Variants in PIAS4 observed in about 807,000 individuals in gnomAD.
The protein encoded by PIAS4 is E3 SUMO-protein ligase PIAS4.
In PIAS4, 7 loss-of-function variants were observed where a neutral mutation model predicts 58.0. The observed-to-expected ratio is 0.12, with a 90% CI of 0.07 to 0.23. The LOEUF (loss-of-function observed/expected upper bound fraction) is 0.23. Among genes scored for constraint, PIAS4 ranks in the 10% least tolerant of loss-of-function variants. PIAS4 has a pLI of 1.00. For missense variants in PIAS4, 550 were observed against 709.5 expected, an observed-to-expected ratio of 0.78 and a Z score of 2.55; for synonymous variants, 364 against 312.4, an observed-to-expected ratio of 1.17 and a Z score of -1.74.
chr19:4,008,098 C>G (rs1425821795), intron 1 of PIAS4, among the ~76,000 whole-genome samples: 2 of 151,996 alleles, frequency 1.3e-5, no homozygotes, highest in African/African-American at 4.8e-5. Flanking sequence ...GGCCGCGCCT[C>G]CCGGTTGAGG....
At chr19:4,009,343 G>T (rs2039972067) in intron 1 of PIAS4, among the ~76,000 whole-genome samples, 1 of 152,084 alleles carries the variant, frequency 6.6e-6, no homozygotes, top group Admixed American at 6.6e-5. Flanking sequence ...GTGGAGACTC[G>T]CCCTGGAGAT....
In PIAS4 at chr19:4,037,503, G is replaced by T. The variant is rs374694935; in HGVS notation, c.1272G>T (p.Leu424=). 25 of 1,609,790 alleles carry T rather than the reference G, an allele frequency of 1.6e-5. No homozygotes were observed. Among genetic ancestry groups the T allele is most frequent in the Admixed American group, 3.3e-5 (2 of 59,884 alleles). The stretch of plus-strand genomic sequence containing the variant: ...GCCCGCAGGGCGCCATCCTCGTGCT[G>T]GGTGAGTGCCTCACCCCACCAGCCG... ...SCSPQGAILV[L]GPSDANGLLP... is the part of the protein sequence containing the mutation. Residue 424 remains leucine, a splice_region_variant and synonymous_variant, in exon 10 of 11, where the codon CTG becomes CTT. Coordinates refer to ENST00000262971, the MANE Select transcript of PIAS4 (RefSeq NM_015897.4). The surrounding 1 kb of genome is among the most constrained non-coding windows in gnomAD (Gnocchi z 5.8).
chr19:4,012,558 G>T (rs2040006523), intron 1 of PIAS4, among the ~76,000 whole-genome samples: 1 of 152,180 alleles, frequency 6.6e-6, no homozygotes, highest in Non-Finnish European at 1.5e-5. Flanking sequence ...GAGGCATTTG[G>T]TGTTTGCCGG....
intron 9 of PIAS4, among the ~76,000 whole-genome samples, chr19:4,035,852 CCATA>C (rs1295855480): frequency 2.0e-5 from 3 of 146,986 alleles, no homozygotes; most frequent in Admixed American, 7.0e-5. Context: ...CCGCACACAT[CCATA>C]CAGTCCACAC....
intron 2 of PIAS4, among the ~76,000 whole-genome samples, chr19:4,022,391 C>G (rs1431088287): frequency 6.6e-6 from 1 of 151,970 alleles, no homozygotes; most frequent in South Asian, 2.1e-4. Context: ...GCTCTGTAGC[C>G]CAGGCTGGAG....
At chr19:4,026,410 G>A (rs1158938183) in intron 3 of PIAS4, among the ~76,000 whole-genome samples, 1 of 151,596 alleles carries the variant, frequency 6.6e-6, no homozygotes, top group Admixed American at 6.6e-5. Flanking sequence ...GGGATTACAG[G>A]CGTGAGCCAC....
At chr19:4,026,202 G>A (rs1243779800) in intron 3 of PIAS4, among the ~76,000 whole-genome samples, 1 of 143,334 alleles carries the variant, frequency 7.0e-6, no homozygotes, top group Non-Finnish European at 1.5e-5. Flanking sequence ...GCGTGATGTC[G>A]GCTCACTGCA....
At chr19:4,018,860 G>T (rs1376988030) in intron 2 of PIAS4, 1 of 152,412 alleles carries the variant, frequency 6.6e-6, no homozygotes, top group Non-Finnish European at 1.5e-5. Context: ...GGGGGAGGAA[G>T]GTTCCAGAAG....
intron 7 of PIAS4, 54 bp downstream of exon 7, chr19:4,029,090 C>T (rs551088099): frequency 6.2e-5 from 83 of 1,334,814 alleles, no homozygotes; most frequent in Middle Eastern, 5.9e-4. Flanking sequence ...CCTGGAAACC[C>T]GCCCTGTGCT....
chr19:4,024,167 A>G (rs764205916), intron 3 of PIAS4, 47 bp downstream of exon 3: 1 of 1,283,012 alleles, frequency 7.8e-7, no homozygotes, highest in East Asian at 3.0e-5. Flanking sequence ...CCGCCCACCC[A>G]CTTTCTCCTG....
In PIAS4 at chr19:4,037,293, C is replaced by A; in HGVS notation, c.1143-81C>A. ...GAGAGAAGTGGGGAGTGCCTGGCTG[C>A]ATCCGGGAGGGATGGAGGGCTGGGG... is the stretch of plus-strand genomic sequence containing the variant. On this transcript the variant is annotated intron_variant, in intron 9 of 10. Transcript: ENST00000262971. This position sits in a 1 kb window ranked among gnomAD's most constrained non-coding sequence, Gnocchi z 5.8. 1 of 1,502,728 alleles carries A rather than the reference C, an allele frequency of 6.7e-7. No homozygotes were observed. Among genetic ancestry groups the A allele is most frequent in the Non-Finnish European group, 8.9e-7 (1 of 1,120,762 alleles). The allele number at this position is 1,502,728 out of a possible 1,614,324, so 93.1% of individuals were successfully genotyped here.
Position 4,038,111 on chromosome 19 carries a change from A to C in PIAS4, c.*236A>C, listed in dbSNP as rs894587247. On this transcript the variant is annotated 3_prime_UTR_variant, in exon 11 of 11. Coordinates refer to ENST00000262971, the MANE Select transcript of PIAS4 (RefSeq NM_015897.4). The surrounding 1 kb of genome is among the most constrained non-coding windows in gnomAD (Gnocchi z 4.1). ...AAAGAAAAATGAAACAAAAAAGTCA[A>C]ACTCTTAAAAACAAGGCCGGCCACC... The C allele has an allele frequency of 4.5e-5, 23 of 512,532 alleles. No homozygotes were observed. Among genetic ancestry groups the C allele is most frequent in the Non-Finnish European group, 1.3e-5 (4 of 297,258 alleles). The allele number at this position is 512,532 out of a possible 1,614,324, so 31.7% of individuals were successfully genotyped here.
chr19:4,012,671 G>A (rs1409962629), intron 1 of PIAS4, among the ~76,000 whole-genome samples: 1 of 151,986 alleles, frequency 6.6e-6, no homozygotes, highest in East Asian at 1.9e-4. Flanking sequence ...TAAAATAGAA[G>A]GGGGGGCCTA....
intron 3 of PIAS4, among the ~76,000 whole-genome samples, chr19:4,027,374 C>A (rs1405944755): frequency 6.6e-6 from 1 of 152,166 alleles, no homozygotes; most frequent in African/African-American, 2.4e-5. Flanking sequence ...TGGCTCCTTT[C>A]CATGGCTGGG....
At chr19:4,035,383 CTG>C (rs1224358636) in intron 9 of PIAS4, among the ~76,000 whole-genome samples, 1 of 152,188 alleles carries the variant, frequency 6.6e-6, no homozygotes, top group African/African-American at 2.4e-5. Flanking sequence ...GGTGGGGAGA[CTG>C]AGGCCCTTTG....
chr19:4,029,926 G>A (rs967671932), intron 7 of PIAS4, among the ~76,000 whole-genome samples: 3 of 142,438 alleles, frequency 2.1e-5, no homozygotes, highest in African/African-American at 5.1e-5. Context: ...GGGTTCAAGC[G>A]ATTCTTCTGC....
At chr19:4,032,288 C>T (rs1177946887) in intron 7 of PIAS4, among the ~76,000 whole-genome samples, 1 of 152,124 alleles carries the variant, frequency 6.6e-6, no homozygotes, top group South Asian at 2.1e-4. Flanking sequence ...AACACTGGTC[C>T]ACCAGGCAGC....
intron 2 of PIAS4, among the ~76,000 whole-genome samples, chr19:4,023,105 G>A (rs939674566): frequency 5.3e-5 from 8 of 151,022 alleles, no homozygotes; most frequent in Non-Finnish European, 1.2e-4. Context: ...CCAGGAGGTG[G>A]AGGTTGCAGT....
intron 1 of PIAS4, 128 bp from the exon 2 acceptor site, chr19:4,012,795 C>T: frequency 2.8e-6 from 3 of 1,067,144 alleles, no homozygotes; most frequent in South Asian, 3.1e-5. Flanking sequence ...TCCACCAGCC[C>T]CAGCCAAGGC....
Sources: gnomAD v4.1 joint callset for allele counts (sites outside exome capture counted in the v4.1 genomes callset) on GRCh38, gnomAD v4.1.1 for gene constraint, Gnocchi (gnomAD v3.1) non-coding constraint, MANE v1.5 for transcripts, NCBI Gene and HGNC (gene_info 2026-07-23, HGNC 2026-07-21) for gene names.